XPR1: variants seen among roughly 807,000 people sequenced by gnomAD.
XPR1 encodes the protein xenotropic and polytropic retrovirus receptor 1.
In XPR1, 28 loss-of-function variants were observed where a neutral mutation model predicts 87.5. The ratio of observed to expected loss-of-function variants is 0.32; its 90% CI spans 0.24 to 0.44. The LOEUF is 0.44. Among genes scored for constraint, XPR1 ranks in the 20% least tolerant of loss-of-function variants. XPR1 has a pLI of 1.00. For missense variants in XPR1, 559 were observed against 862.3 expected, an observed-to-expected ratio of 0.65 and a Z score of 4.41; for synonymous variants, 300 against 306.1, an observed-to-expected ratio of 0.98 and a Z score of 0.21.
intron 7 of XPR1, among the ~76,000 whole-genome samples, chr1:180,820,751 A>G (rs563202679): frequency 9.2e-5 from 14 of 152,298 alleles, no homozygotes; most frequent in African/African-American, 3.4e-4. Context: ...TTTCTTCATT[A>G]TATCCATACA....
At chr1:180,861,122 T>C (rs1448797472) in intron 11 of XPR1, among the ~76,000 whole-genome samples, 1 of 152,126 alleles carries the variant, frequency 6.6e-6, no homozygotes, top group Non-Finnish European at 1.5e-5. Context: ...TTTTGTTATC[T>C]CCTACTAAAT....
intron 1 of XPR1, among the ~76,000 whole-genome samples, chr1:180,653,642 T>A (rs1453845996): frequency 6.6e-6 from 1 of 152,118 alleles, no homozygotes; most frequent in African/African-American, 2.4e-5. Context: ...ATACCTATGA[T>A]AAAGTTTAAT....
intron 12 of XPR1, among the ~76,000 whole-genome samples, chr1:180,873,049 A>G (rs1238280190): frequency 6.6e-6 from 1 of 152,000 alleles, no homozygotes; most frequent in Admixed American, 6.6e-5. Flanking sequence ...GGCTTAATAC[A>G]TAGTAGTTCC....
At chr1:180,658,734 T>C (rs542530333) in intron 1 of XPR1, among the ~76,000 whole-genome samples, 1 of 151,786 alleles carries the variant, frequency 6.6e-6, no homozygotes, top group African/African-American at 2.4e-5. Context: ...CCAGCTTTTT[T>C]TTTTTTTTGT....
At chr1:180,864,418 A>G (rs1285551372) in intron 12 of XPR1, among the ~76,000 whole-genome samples, 1 of 152,164 alleles carries the variant, frequency 6.6e-6, no homozygotes, top group Non-Finnish European at 1.5e-5. Flanking sequence ...TTAGGTGTCC[A>G]TATTCTTCAC....
chr1:180,669,399 T>C (rs1656080761), intron 1 of XPR1, among the ~76,000 whole-genome samples: 1 of 152,148 alleles, frequency 6.6e-6, no homozygotes, highest in South Asian at 2.1e-4. Flanking sequence ...TCTTTTTTTG[T>C]AGAGATGGAG....
At chr1:180,815,154 C>A (rs1650360626) in intron 7 of XPR1, among the ~76,000 whole-genome samples, 1 of 151,554 alleles carries the variant, frequency 6.6e-6, no homozygotes, top group Non-Finnish European at 1.5e-5. Context: ...GTTTAATTTT[C>A]AAGATGAGCA....
chr1:180,842,176 A>C (rs546385146), intron 11 of XPR1, among the ~76,000 whole-genome samples: 3 of 152,178 alleles, frequency 2.0e-5, no homozygotes, highest in African/African-American at 7.2e-5. Context: ...GCAAGGAGTA[A>C]AAGACAGTGA....
intron 11 of XPR1, among the ~76,000 whole-genome samples, chr1:180,845,302 A>AC (rs1254094034): frequency 1.3e-5 from 2 of 152,212 alleles, no homozygotes; most frequent in Non-Finnish European, 2.9e-5. Flanking sequence ...CCTAGTAAGT[A>AC]CCTTTCCACA....
At chr1:180,754,433 T>TA (rs1413629972) in intron 2 of XPR1, among the ~76,000 whole-genome samples, 4 of 152,132 alleles carry the variant, frequency 2.6e-5, no homozygotes, top group Admixed American at 2.6e-4. Context: ...GTTTGTCCTG[T>TA]ACTCTTCTCC....
chr1:180,865,342 ATG>A (rs1021231580), intron 12 of XPR1, among the ~76,000 whole-genome samples: 1 of 151,904 alleles, frequency 6.6e-6, no homozygotes, highest in Non-Finnish European at 1.5e-5. Flanking sequence ...CTCACCAAAT[ATG>A]TGTGTTTTAT....
chr1:180,883,126 C>CAT (rs35110365), intron 14 of XPR1, among the ~76,000 whole-genome samples: 1 of 87,218 alleles, frequency 1.1e-5, no homozygotes, highest in Non-Finnish European at 2.1e-5. Context: ...TCATACCTGG[C>CAT]TTTTTTTTTT....
chr1:180,858,982 C>T (rs918450729), intron 11 of XPR1, among the ~76,000 whole-genome samples: 18 of 12,590 alleles, frequency 1.4e-3, no homozygotes, highest in African/African-American at 4.9e-3. Context: ...ATCCTAAACT[C>T]AGTCATAATT....
intron 13 of XPR1, among the ~76,000 whole-genome samples, chr1:180,875,954 A>T (rs972235240): frequency 6.6e-6 from 1 of 151,452 alleles, no homozygotes; most frequent in Admixed American, 6.6e-5. Flanking sequence ...TGAATGGACA[A>T]ATTACTGAAA....
intron 2 of XPR1, among the ~76,000 whole-genome samples, chr1:180,734,865 CAG>C (rs1658678176): frequency 6.6e-6 from 1 of 152,052 alleles, no homozygotes; most frequent in Non-Finnish European, 1.5e-5. Context: ...GAGGAGGTCT[CAG>C]AAAATAAGTA....
At chr1:180,786,455 C>T (rs1649143731) in intron 2 of XPR1, among the ~76,000 whole-genome samples, 1 of 152,062 alleles carries the variant, frequency 6.6e-6, no homozygotes, top group African/African-American at 2.4e-5. Context: ...TCTTAGAGTA[C>T]CTTAGAGATC....
At chr1:180,706,046 G>A (rs544378254) in intron 2 of XPR1, among the ~76,000 whole-genome samples, 43 of 152,306 alleles carry the variant, frequency 2.8e-4, no homozygotes, top group African/African-American at 9.4e-4. Flanking sequence ...ATTCAGGGAA[G>A]ATTTAGTAGA....
At chr1:180,718,207 T>C (rs1247358301) in intron 2 of XPR1, among the ~76,000 whole-genome samples, 3 of 152,206 alleles carry the variant, frequency 2.0e-5, no homozygotes, top group Non-Finnish European at 2.9e-5. Flanking sequence ...AAAAGGTCAC[T>C]GAACTTTTCT....
chr1:180,825,494 T>G, intron 9 of XPR1, 150 bp downstream of exon 9: 1 of 726,642 alleles, frequency 1.4e-6, no homozygotes, highest in Admixed American at 3.8e-5. Flanking sequence ...GAAAAAGTAC[T>G]CACGTATATT....
Sources: allele counts gnomAD v4.1 joint callset (sites outside exome capture counted in the v4.1 genomes callset), GRCh38; gene constraint gnomAD v4.1.1; transcripts MANE v1.5; gene names NCBI Gene and HGNC (gene_info 2026-07-23, HGNC 2026-07-21).